TRIM5: variants seen among roughly 807,000 people sequenced by gnomAD.
TRIM5 encodes the protein tripartite motif-containing protein 5.
Under a neutral mutation model 35.6 loss-of-function variants are expected in TRIM5, and 31 were observed. The observed-to-expected ratio is 0.87, with a 90% CI of 0.65 to 1.18. The LOEUF (loss-of-function observed/expected upper bound fraction) is 1.18, where lower values mean the gene tolerates loss of function less well. TRIM5 is among the 50% of genes most tolerant of loss of function. The probability of loss-of-function intolerance (pLI) is 0.00; values close to 1 mark genes in which losing one functional copy is unlikely to be tolerated. For synonymous variants in TRIM5, 243 were observed against 215.6 expected, an observed-to-expected ratio of 1.13 and a Z score of -1.11; for missense variants, 609 against 591.6, an observed-to-expected ratio of 1.03 and a Z score of -0.31.
chr11:5,667,762 C>T lies in TRIM5; in HGVS notation c.745-51G>A, dbSNP rs1483988296. On this transcript the variant is annotated intron_variant, in intron 4 of 7. Coordinates refer to ENST00000380034, the MANE Select transcript of TRIM5 (RefSeq NM_033034.3). ...TTAAGAAAGAAAGAGTCTCTCCTCACTTATAAAGCTTCATCACATTTCCCC... is the reference window on the plus strand; with the variant it reads ...TTAAGAAAGAAAGAGTCTCTCCTCATTTATAAAGCTTCATCACATTTCCCC... 5 of 1,591,562 alleles carry T rather than the reference C, an allele frequency of 3.1e-6. No homozygotes were observed. In the East Asian group the frequency reaches 9.0e-5, roughly 29 times the overall value.
Position 5,666,056 on chromosome 11 carries a change from G to C in TRIM5, c.793C>G (p.Pro265Ala). ...KRTENVTLKKPETFPKNQRRV... is the reference protein window; with the variant it reads ...KRTENVTLKKAETFPKNQRRV... ...CTTTGATTTTTTGGAAAAGTTTCTG[G>C]CTTCTTCAAGGTCACGTTCTCCGTC... The change falls in exon 6 of 8, where the codon CCA becomes GCA. Residue 265 changes from proline (P) to alanine (A), a missense_variant. Pro to Ala is a conservative substitution (Grantham distance 27, BLOSUM62 -1). Transcript: ENST00000380034. The C allele has an allele frequency of 6.2e-7, 1 of 1,611,648 alleles. No individual in the cohort carries two copies. The highest frequency in any genetic ancestry group is 1.1e-5 in the South Asian group (1 of 90,962).
intron 4 of TRIM5, among the ~76,000 whole-genome samples, chr11:5,671,042 A>G (rs1851549578): frequency 6.6e-6 from 1 of 152,082 alleles, no homozygotes. Flanking sequence ...CCTGGGCAAC[A>G]TGGTGAAATC....
the TRIM5 span, chr11:5,644,417 TC>T: frequency 5.5e-4 from 219 of 395,646 alleles, no homozygotes; most frequent in Admixed American, 2.8e-3. Context: ...TGTAGTAATG[TC>T]CTGTGCAATA....
At chr11:5,658,524 CT>C (rs1850706409), downstream of TRIM5, among the ~76,000 whole-genome samples, 1 of 152,234 alleles carries the variant, frequency 6.6e-6, no homozygotes, top group South Asian at 2.1e-4. Context: ...CACAAGCCAC[CT>C]GCAGGCAGCA....
At chr11:5,630,077 G>A in the TRIM5 span, among the ~76,000 whole-genome samples, 2 of 152,148 alleles carry the variant, frequency 1.3e-5, no homozygotes, top group African/African-American at 2.4e-5. Flanking sequence ...CGTAGCTTAG[G>A]TAAATCTTAC....
chr11:5,603,134 G>C, the TRIM5 span: 1 of 1,495,114 alleles, frequency 6.7e-7, no homozygotes, highest in East Asian at 2.3e-5. Context: ...AGAATGAGAA[G>C]CCCTTGTTAC....
the TRIM5 span, chr11:5,603,098 C>A: frequency 7.4e-7 from 1 of 1,356,514 alleles, no homozygotes; most frequent in Non-Finnish European, 9.8e-7. Context: ...CTTGTATGAG[C>A]CGGGATAAAG....
the TRIM5 span, chr11:5,641,290 G>A: frequency 6.3e-7 from 1 of 1,585,486 alleles, no homozygotes; most frequent in Non-Finnish European, 8.6e-7. Context: ...ATCTCCCAGA[G>A]TAGTAAAATT....
At chr11:5,604,641 T>A in the TRIM5 span, 2 of 1,608,288 alleles carry the variant, frequency 1.2e-6, no homozygotes, top group South Asian at 2.2e-5. Context: ...CAAGGGAGAC[T>A]TTTTCTGAAG....
the TRIM5 span, among the ~76,000 whole-genome samples, chr11:5,635,380 G>A: frequency 2.0e-5 from 3 of 150,834 alleles, no homozygotes; most frequent in African/African-American, 7.3e-5. Flanking sequence ...CCAGCATCCC[G>A]AGTAGCTGGG....
chr11:5,679,976 G>T lies in TRIM5; in HGVS notation c.202C>A (p.Arg68=). 1 of 1,613,986 alleles carries T rather than the reference G, an allele frequency of 6.2e-7. No homozygotes were observed. The highest frequency in any genetic ancestry group is 8.5e-7 in the Non-Finnish European group (1 of 1,179,966). The part of the protein sequence containing the change: ...CRISYQPENI[R]PNRHVANIVE... ...ATGTTGGCTACATGCCGATTAGGCCGTATGTTCTCAGGCTGGTAACTGATC... is the reference window on the plus strand; with the variant it reads ...ATGTTGGCTACATGCCGATTAGGCCTTATGTTCTCAGGCTGGTAACTGATC... The change falls in exon 2 of 8, where the codon CGG becomes AGG. Residue 68 remains arginine (R), a synonymous_variant. Transcript: ENST00000380034.
At chr11:5,632,530 C>CATCT in the TRIM5 span, 1 of 1,613,924 alleles carries the variant, frequency 6.2e-7, no homozygotes, top group Non-Finnish European at 8.5e-7. Flanking sequence ...CTCATTTGAA[C>CATCT]ATCTACAGGC....
At chr11:5,675,096 T>C (rs11038667) in intron 4 of TRIM5, among the ~76,000 whole-genome samples, 7 of 152,200 alleles carry the variant, frequency 4.6e-5, no homozygotes, top group African/African-American at 1.4e-4. Context: ...TGGTGCAGTC[T>C]TGGCTCACTG....
chr11:5,611,455 G>A, the TRIM5 span: 1 of 1,032,380 alleles, frequency 9.7e-7, no homozygotes, highest in South Asian at 1.6e-5. Flanking sequence ...TTGTTTTTTG[G>A]TTTTTGAATC....
intron 4 of TRIM5, chr11:5,677,813 A>C (rs1383628640): frequency 6.3e-6 from 1 of 157,824 alleles, no homozygotes; most frequent in Non-Finnish European, 1.4e-5. Flanking sequence ...AAAAAGGAAA[A>C]AGTCTCAATT....
the TRIM5 span, among the ~76,000 whole-genome samples, chr11:5,657,535 T>C: frequency 7.9e-6 from 1 of 126,740 alleles, no homozygotes; most frequent in East Asian, 2.2e-4. Context: ...TATATATTAT[T>C]TATATATTAT....
At chr11:5,635,025 G>A in the TRIM5 span, among the ~76,000 whole-genome samples, 2 of 151,930 alleles carry the variant, frequency 1.3e-5, no homozygotes, top group African/African-American at 2.4e-5. Flanking sequence ...ATTAATTTAT[G>A]AAGTAAGGGA....
chr11:5,604,680 C>T, the TRIM5 span: 1 of 1,581,614 alleles, frequency 6.3e-7, no homozygotes, highest in Non-Finnish European at 8.6e-7. Context: ...CATGGCAGGT[C>T]ATAGGAGCTG....
chr11:5,651,445 G>A, the TRIM5 span, among the ~76,000 whole-genome samples: 1 of 152,058 alleles, frequency 6.6e-6, no homozygotes, highest in South Asian at 2.1e-4. Context: ...TCCCTTCTTT[G>A]TATCTATATC....
Sources: allele counts gnomAD v4.1 joint callset (sites outside exome capture counted in the v4.1 genomes callset), GRCh38; gene constraint gnomAD v4.1.1; transcripts MANE v1.5; gene names NCBI Gene and HGNC (gene_info 2026-07-23, HGNC 2026-07-21).